Variants in DPP6 observed in about 807,000 individuals in gnomAD.
DPP6 encodes the protein dipeptidyl peptidase like 6.
Under a neutral mutation model 122.6 loss-of-function variants are expected in DPP6, and 69 were observed. That is an observed-to-expected ratio of 0.56 (90% CI 0.46 to 0.69). The LOEUF is 0.69. Ranked by LOEUF, DPP6 falls within the 30% of genes least tolerant of loss-of-function variation. The pLI, the probability that DPP6 is intolerant of heterozygous loss-of-function variation, is 0.00. For missense variants in DPP6, 928 were observed against 1,116.9 expected (o/e 0.83, Z 2.41); for synonymous variants, 418 against 433.1 (o/e 0.97, Z 0.43).
At chr7:154,671,298 C>A (rs1429204032) in intron 7 of DPP6, among the ~76,000 whole-genome samples, 1 of 152,198 alleles carries the variant, frequency 6.6e-6, no homozygotes, top group African/African-American at 2.4e-5. Flanking sequence ...CCATTACAAG[C>A]CAGTACCCAC....
intron 1 of DPP6, among the ~76,000 whole-genome samples, chr7:154,228,598 A>C (rs1011371621): frequency 1.3e-5 from 2 of 152,230 alleles, no homozygotes; most frequent in Non-Finnish European, 2.9e-5. Context: ...GTAAGAACCT[A>C]AGATATTGTC....
intron 3 of DPP6, among the ~76,000 whole-genome samples, chr7:154,523,289 T>C (rs529708878): frequency 1.2e-3 from 181 of 152,356 alleles, no homozygotes; most frequent in African/African-American, 4.0e-3. Context: ...CATATTTCAG[T>C]GAACACCTAT....
chr7:154,297,585 G>A (rs888068055), intron 1 of DPP6, among the ~76,000 whole-genome samples: 4 of 152,142 alleles, frequency 2.6e-5, no homozygotes, highest in African/African-American at 9.6e-5. Flanking sequence ...ACAGAAGAAG[G>A]ACTTGGACTG....
At chr7:154,353,624 A>G (rs943586248) in intron 1 of DPP6, among the ~76,000 whole-genome samples, 1 of 152,170 alleles carries the variant, frequency 6.6e-6, no homozygotes, top group African/African-American at 2.4e-5. Flanking sequence ...AAAGACAAAA[A>G]CATACTAGAC....
chr7:154,301,565 T>A (rs1164378974), intron 1 of DPP6, among the ~76,000 whole-genome samples: 1 of 152,116 alleles, frequency 6.6e-6, no homozygotes, highest in Non-Finnish European at 1.5e-5. Context: ...ACCACGGAGC[T>A]CTAGATGATG....
intron 1 of DPP6, among the ~76,000 whole-genome samples, chr7:154,401,836 G>T (rs1027068565): frequency 6.6e-6 from 1 of 152,040 alleles, no homozygotes; most frequent in Non-Finnish European, 1.5e-5. Flanking sequence ...GAAAATTTTC[G>T]CAGCCTACTC....
At chr7:154,455,782 G>A (rs1238930123) in intron 2 of DPP6, among the ~76,000 whole-genome samples, 1 of 152,118 alleles carries the variant, frequency 6.6e-6, no homozygotes, top group Admixed American at 6.5e-5. Flanking sequence ...AGGCAAATGG[G>A]TCTACATATT....
chr7:154,547,527 T>A (rs1370228974), intron 4 of DPP6, among the ~76,000 whole-genome samples: 91 of 152,184 alleles, frequency 6.0e-4, no homozygotes, highest in Non-Finnish European at 1.2e-4. Context: ...GTGACCCACA[T>A]TTGCTGACTT....
At chr7:154,834,803 C>T (rs1800918591) in intron 16 of DPP6, among the ~76,000 whole-genome samples, 1 of 152,196 alleles carries the variant, frequency 6.6e-6, no homozygotes, top group Admixed American at 6.5e-5. Flanking sequence ...ACTGGAAGAG[C>T]CCCTTTTCTC....
chr7:154,712,837 C>A (rs1411582523), intron 7 of DPP6, among the ~76,000 whole-genome samples: 2 of 152,168 alleles, frequency 1.3e-5, no homozygotes, highest in Non-Finnish European at 2.9e-5. Context: ...CCTCTGGCCC[C>A]TCCCAAATCT....
At chr7:154,060,916 G>A (rs1289067141) in intron 1 of DPP6, among the ~76,000 whole-genome samples, 1 of 146,506 alleles carries the variant, frequency 6.8e-6, no homozygotes, top group African/African-American at 2.5e-5. Flanking sequence ...CTGAGAGCCA[G>A]ACCCTCTTCC....
At chr7:154,687,302 C>T (rs1839674197) in intron 7 of DPP6, among the ~76,000 whole-genome samples, 1 of 152,132 alleles carries the variant, frequency 6.6e-6, no homozygotes, top group African/African-American at 2.4e-5. Context: ...TATCACAATG[C>T]CTTTATCCAG....
At chr7:154,525,878 C>T (rs1256736197) in intron 3 of DPP6, among the ~76,000 whole-genome samples, 1 of 151,958 alleles carries the variant, frequency 6.6e-6, no homozygotes, top group Non-Finnish European at 1.5e-5. Flanking sequence ...CACATAATTT[C>T]TTTTACATTT....
At position 154,717,847 on chromosome 7, in the gene DPP6, AG is replaced by A. The variant is rs573487394; in HGVS notation, c.763-9919del. Among the ~76,000 whole-genome samples the A allele has an allele frequency of 3.9e-3, 599 of 152,330 alleles. 1 individual carries two copies. Among genetic ancestry groups the A allele is most frequent in the African/African-American group, 0.013 (548 of 41,576 alleles). On this transcript the variant is annotated intron_variant, in intron 7 of 25. Transcript: ENST00000377770. ...CCATACTTGTTTCCCTAATGGTTAT[AG>A]TAATTTACATTTCCACCAACAGTGT...
chr7:154,290,626 A>G (rs1257808934), intron 1 of DPP6, among the ~76,000 whole-genome samples: 1 of 149,420 alleles, frequency 6.7e-6, no homozygotes, highest in Admixed American at 6.8e-5. Context: ...AGCCTGTGTG[A>G]CAAGAGCAAA....
the DPP6 span, among the ~76,000 whole-genome samples, chr7:153,752,577 C>T: frequency 1.3e-5 from 2 of 150,872 alleles, no homozygotes; most frequent in Non-Finnish European, 1.5e-5. Flanking sequence ...GGTCGCCTCT[C>T]ATAGGCACAC....
chr7:153,774,992 A>G, the DPP6 span, among the ~76,000 whole-genome samples: 1 of 151,750 alleles, frequency 6.6e-6, no homozygotes, highest in East Asian at 1.9e-4. Flanking sequence ...AAAAAGTAAT[A>G]AAATGTTATT....
intron 5 of DPP6, among the ~76,000 whole-genome samples, chr7:154,615,265 C>CA (rs1351604654): frequency 2.0e-5 from 3 of 152,108 alleles, no homozygotes; most frequent in African/African-American, 4.8e-5. Flanking sequence ...GTAGTTCCAG[C>CA]AATTATATGT....
chr7:154,290,688 G>A (rs1438043019), intron 1 of DPP6, among the ~76,000 whole-genome samples: 9 of 151,510 alleles, frequency 5.9e-5, no homozygotes, highest in Admixed American at 1.3e-4. Flanking sequence ...TGACTCATTT[G>A]TATGTGATGT....
Sources: allele counts gnomAD v4.1 joint callset (sites outside exome capture counted in the v4.1 genomes callset), GRCh38; gene constraint gnomAD v4.1.1; transcripts MANE v1.5; gene names NCBI Gene and HGNC (gene_info 2026-07-23, HGNC 2026-07-21).